TUBGCP3: variants seen among roughly 807,000 people sequenced by gnomAD.
The protein encoded by TUBGCP3 is tubulin gamma complex component 3.
Under a neutral mutation model 123.1 loss-of-function variants are expected in TUBGCP3, and 50 were observed. The observed-to-expected ratio is 0.41, with a 90% CI of 0.32 to 0.51. The LOEUF (loss-of-function observed/expected upper bound fraction) is 0.51, where lower values mean the gene tolerates loss of function less well. Ranked by LOEUF, TUBGCP3 falls within the 20% of genes least tolerant of loss-of-function variation. TUBGCP3 has a pLI of 0.36. For synonymous variants in TUBGCP3, 405 were observed against 413.9 expected (o/e 0.98, Z 0.26); for missense variants, 882 against 1,127.0 (o/e 0.78, Z 3.11).
At chr13:112,507,667 C>T (rs1271294482) in intron 17 of TUBGCP3, among the ~76,000 whole-genome samples, 3 of 152,194 alleles carry the variant, frequency 2.0e-5, no homozygotes, top group South Asian at 2.1e-4. Context: ...ATTTCTGAGG[C>T]TTCCTCCAGA....
chr13:112,597,425 C>G, the TUBGCP3 span, among the ~76,000 whole-genome samples: 1 of 152,200 alleles, frequency 6.6e-6, no homozygotes, highest in South Asian at 2.1e-4. Flanking sequence ...CCTCTATAAG[C>G]TTTCACATAG....
intron 17 of TUBGCP3, among the ~76,000 whole-genome samples, chr13:112,510,260 G>A (rs548667598): frequency 1.3e-5 from 2 of 152,224 alleles, no homozygotes; most frequent in East Asian, 1.9e-4. Flanking sequence ...GGCACCTTCC[G>A]CCAGAACCCC....
intron 14 of TUBGCP3, 47 bp downstream of exon 14, chr13:112,522,270 TATC>T (rs774595515): frequency 2.2e-6 from 3 of 1,340,432 alleles, no homozygotes; most frequent in African/African-American, 2.9e-5. Flanking sequence ...CAAGATTCCT[TATC>T]ATGTCAAATA....
chr13:112,553,067 A>C (rs920301990), intron 8 of TUBGCP3, among the ~76,000 whole-genome samples: 1 of 142,266 alleles, frequency 7.0e-6, no homozygotes, highest in African/African-American at 2.7e-5. Flanking sequence ...TCCTACTCCC[A>C]GCCACGTTCT....
chr13:112,572,357 G>C (rs760225923), intron 1 of TUBGCP3, among the ~76,000 whole-genome samples: 1 of 152,154 alleles, frequency 6.6e-6, no homozygotes. Context: ...TGTTACATAG[G>C]TATACGTGTG....
At chr13:112,568,639 A>G (rs188323543) in intron 2 of TUBGCP3, among the ~76,000 whole-genome samples, 1 of 152,392 alleles carries the variant, frequency 6.6e-6, no homozygotes, top group African/African-American at 2.4e-5. Flanking sequence ...GGGAGGCCCC[A>G]GCAGGGAAAT....
chr13:112,488,024 C>T (rs1169530293), intron 21 of TUBGCP3, among the ~76,000 whole-genome samples: 1 of 150,242 alleles, frequency 6.7e-6, no homozygotes, highest in East Asian at 2.0e-4. Context: ...CCCAGCTACT[C>T]GGGAGGCTGA....
rs368236853 is a variant in TUBGCP3 at position 112,504,693 on chromosome 13, T to C, written c.2108A>G (p.Gln703Arg). The change falls in exon 18 of 22, where the codon CAG becomes CGG. Residue 703 changes from glutamine (Q) to arginine (R), a missense_variant. Gln to Arg is a conservative substitution (Grantham distance 43). Coordinates refer to ENST00000261965, the MANE Select transcript of TUBGCP3 (RefSeq NM_006322.6). ...CATCTCAGAGGCCAAAATGTGACACTGGTGCAGCACCCCGGAGAACTCTGC... is the reference window on the plus strand; with the variant it reads ...CATCTCAGAGGCCAAAATGTGACACCGGTGCAGCACCCCGGAGAACTCTGC... Reference protein sequence around the residue: ...NMPEFSGVLHQCHILASEMVH... With the variant: ...NMPEFSGVLHRCHILASEMVH... 10 of 1,613,760 alleles carry C rather than the reference T, an allele frequency of 6.2e-6. No homozygotes were observed. The highest frequency in any genetic ancestry group is 8.5e-6 in the Non-Finnish European group (10 of 1,179,936).
chr13:112,548,325 T>A, intron 8 of TUBGCP3, 149 bp from the exon 9 acceptor site: 1 of 473,148 alleles, frequency 2.1e-6, no homozygotes, highest in South Asian at 4.6e-5. Context: ...TCTAATCATC[T>A]TAATCACCAC....
chr13:112,538,952 A>T (rs2139139051), intron 11 of TUBGCP3, among the ~76,000 whole-genome samples: 1 of 152,370 alleles, frequency 6.6e-6, no homozygotes, highest in Non-Finnish European at 1.5e-5. Flanking sequence ...GATGTTATTA[A>T]TACTTAGAGT....
At position 112,588,007 on chromosome 13, in the gene TUBGCP3, C is replaced by T. The variant is rs1479894956; in HGVS notation, c.-27G>A. 1.4e-6 allele frequency: 2 copies of T among 1,426,828 alleles called. No individual in the cohort carries two copies. Among genetic ancestry groups the T allele is most frequent in the Non-Finnish European group, 9.2e-7 (1 of 1,085,124 alleles). The allele number at this position is 1,426,828 out of a possible 1,614,324, so 88.4% of individuals were successfully genotyped here. A position where few individuals can be genotyped will look rare whatever the true frequency, so the allele number is the denominator to read the frequency against. Reference sequence around the variant, plus strand: ...CTCGCCCGGAGCCGTGCACGGTGGTCCGGGCAGAGCCGCCACTGCCGCCGC... The same window carrying T: ...CTCGCCCGGAGCCGTGCACGGTGGTTCGGGCAGAGCCGCCACTGCCGCCGC... On this transcript the variant is annotated 5_prime_UTR_variant, in exon 1 of 22. Transcript: ENST00000261965.
At chr13:112,561,831 T>C (rs565414252) in intron 3 of TUBGCP3, among the ~76,000 whole-genome samples, 3 of 152,334 alleles carry the variant, frequency 2.0e-5, no homozygotes, top group South Asian at 2.1e-4. Context: ...TTAGCAAAGA[T>C]GTATCTGAGG....
In TUBGCP3 at chr13:112,529,210, T is replaced by C. The variant is rs544068683; in HGVS notation, c.1336-1726A>G. On this transcript the variant is annotated intron_variant, in intron 11 of 21. Coordinates refer to ENST00000261965, the MANE Select transcript of TUBGCP3 (RefSeq NM_006322.6). The stretch of plus-strand genomic sequence containing the variant: ...GGTATAATCCTGGCACACAGTATGT[T>C]ATAAGGGGGAAGTCTACGTCTTCTC... Among the ~76,000 whole-genome samples the C allele has an allele frequency of 3.9e-5, 6 of 152,320 alleles. No individual in the cohort carries two copies. In the South Asian group the frequency reaches 8.3e-4, roughly 21 times the overall value.
rs575790840 is a variant in TUBGCP3, at chr13:112,526,218, TCAC to T, written c.1555+721_1555+723del. ...CACCACGCCATCATCACCACCATCA[TCAC>T]CACCCATCCCCATCATTATCACTAT... On this transcript the variant is annotated intron_variant, in intron 13 of 21. Coordinates refer to ENST00000261965, the MANE Select transcript of TUBGCP3 (RefSeq NM_006322.6). Among the ~76,000 whole-genome samples, 197 of 132,184 alleles carry T rather than the reference TCAC, an allele frequency of 1.5e-3. 1 individual carries two copies. The highest frequency in any genetic ancestry group is 5.0e-3 in the African/African-American group (177 of 35,214). The allele number at this position is 132,184 out of a possible 152,430, so 86.7% of individuals were successfully genotyped here. A position where few individuals can be genotyped will look rare whatever the true frequency, so the allele number is the denominator to read the frequency against.
In TUBGCP3 at chr13:112,588,098, G is replaced by C. The variant is rs1282840994; in HGVS notation, c.-118C>G. ...AAGCTCCCTGCTCCTGACAGGCTAA[G>C]GCGCGGGCGCCGCCGGCCACCAGGG... On this transcript the variant is annotated 5_prime_UTR_variant, in exon 1 of 22. Transcript: ENST00000261965. 1 of 923,950 alleles carries C rather than the reference G, an allele frequency of 1.1e-6. No individual in the cohort carries two copies. Among genetic ancestry groups the C allele is most frequent in the African/African-American group, 1.7e-5 (1 of 57,432 alleles). 57.2% of individuals were successfully genotyped at this position (923,950 alleles called of 1,614,324 possible). A position where few individuals can be genotyped will look rare whatever the true frequency, so the allele number is the denominator to read the frequency against.
intron 9 of TUBGCP3, 65 bp downstream of exon 9, chr13:112,548,043 T>G: frequency 4.7e-6 from 6 of 1,267,020 alleles, no homozygotes; most frequent in Non-Finnish European, 6.5e-6. Context: ...TAAAACATTC[T>G]ATATAGCTTC....
At chr13:112,558,535 CT>C in intron 4 of TUBGCP3, 122 bp from the exon 5 acceptor site, 1 of 802,872 alleles carries the variant, frequency 1.2e-6, no homozygotes, top group Non-Finnish European at 1.8e-6. Flanking sequence ...GGGTTCCATA[CT>C]TTATTAAACA....
At chr13:112,525,923 G>A (rs1379482131) in intron 13 of TUBGCP3, among the ~76,000 whole-genome samples, 3 of 152,116 alleles carry the variant, frequency 2.0e-5, no homozygotes, top group Non-Finnish European at 4.4e-5. Context: ...AATTTACACA[G>A]TACTATATAT....
chr13:112,587,784 C>G, intron 1 of TUBGCP3, 121 bp downstream of exon 1: 2 of 901,710 alleles, frequency 2.2e-6, no homozygotes, highest in South Asian at 3.7e-5. Flanking sequence ...CGGCCCGTCC[C>G]CCAGCCCTCT....
Sources: gnomAD v4.1 joint callset for allele counts (sites outside exome capture counted in the v4.1 genomes callset) on GRCh38, gnomAD v4.1.1 for gene constraint, MANE v1.5 for transcripts, NCBI Gene and HGNC (gene_info 2026-07-23, HGNC 2026-07-21) for gene names.